TRAF3: variants seen among roughly 807,000 people sequenced by gnomAD.
TRAF3 encodes TNF receptor associated factor 3, also known as TNF receptor-associated factor 3.
A neutral mutation model predicts 62.3 loss-of-function variants in TRAF3; 13 were observed. The ratio of observed to expected loss-of-function variants is 0.21; its 90% CI spans 0.14 to 0.33. TRAF3 has a LOEUF of 0.33. Ranked by LOEUF, TRAF3 falls within the 10% of genes least tolerant of loss-of-function variation. The pLI is 1.00. For synonymous variants in TRAF3, 269 were observed against 283.4 expected, an observed-to-expected ratio of 0.95 and a Z score of 0.51; for missense variants, 440 against 741.8, an observed-to-expected ratio of 0.59 and a Z score of 4.73.
At chr14:102,872,083 A>C in intron 4 of TRAF3, 115 bp downstream of exon 4, 1 of 1,098,354 alleles carries the variant, frequency 9.1e-7, no homozygotes. Flanking sequence ...TTGGCAGCTG[A>C]TGCGGCAGGC....
rs749532785 is a variant in TRAF3, at chr14:102,871,978, G to A, written c.297+10G>A. ...CATCGTTAAAGATAAGGTATTCTGG[G>A]GTTTTTTTTAATCATTTTGTCACAT... On this transcript the variant is annotated intron_variant, in intron 4 of 11. Transcript: ENST00000392745. 27 of 1,613,812 alleles carry A rather than the reference G, an allele frequency of 1.7e-5. 1 individual carries two copies. In the South Asian group the frequency reaches 2.7e-4, roughly 16 times the overall value.
chr14:102,855,199 C>G (rs941627526), intron 2 of TRAF3, among the ~76,000 whole-genome samples: 1 of 152,140 alleles, frequency 6.6e-6, no homozygotes, highest in Non-Finnish European at 1.5e-5. Context: ...TATTCACTGT[C>G]TGGATAGATT....
intron 10 of TRAF3, among the ~76,000 whole-genome samples, chr14:102,900,224 C>G (rs923692874): frequency 6.9e-6 from 1 of 145,684 alleles, no homozygotes; most frequent in African/African-American, 2.7e-5. Context: ...GCCGGTAGGC[C>G]GGACACGGTG....
intron 1 of TRAF3, among the ~76,000 whole-genome samples, chr14:102,781,740 C>T (rs999228314): frequency 6.6e-6 from 1 of 151,996 alleles, no homozygotes; most frequent in African/African-American, 2.4e-5. Context: ...GAGTCTCCTA[C>T]CTCAGCCTCC....
At chr14:102,893,112 G>A (rs1889814194) in intron 9 of TRAF3, among the ~76,000 whole-genome samples, 1 of 152,084 alleles carries the variant, frequency 6.6e-6, no homozygotes, top group South Asian at 2.1e-4. Flanking sequence ...TTTGTGGCCG[G>A]GCATGGTGGC....
chr14:102,869,719 T>C (rs890947315), intron 2 of TRAF3, among the ~76,000 whole-genome samples: 1 of 150,306 alleles, frequency 6.7e-6, no homozygotes, highest in Non-Finnish European at 1.5e-5. Flanking sequence ...GGCAGGAGAA[T>C]GGCATGAACC....
Position 102,906,032 on chromosome 14 carries a change from G to T in TRAF3, c.*248G>T. 1 of 423,348 alleles carries T rather than the reference G, an allele frequency of 2.4e-6. No individual in the cohort carries two copies. Among genetic ancestry groups the T allele is most frequent in the Non-Finnish European group, 4.2e-6 (1 of 238,432 alleles). The allele number at this position is 423,348 out of a possible 1,614,324, so 26.2% of individuals were successfully genotyped here. A position where few individuals can be genotyped will look rare whatever the true frequency, so the allele number is the denominator to read the frequency against. ...AAGATAAATATTGCTGTCAGAGAAG[G>T]TTTTCATTTTCATTTTTAAAGATCT... On this transcript the variant is annotated 3_prime_UTR_variant, in exon 12 of 12. Coordinates refer to ENST00000392745, the MANE Select transcript of TRAF3 (RefSeq NM_145725.3).
At chr14:102,898,872 G>A (rs1360995298) in intron 10 of TRAF3, among the ~76,000 whole-genome samples, 2 of 152,244 alleles carry the variant, frequency 1.3e-5, no homozygotes, top group African/African-American at 2.4e-5. Context: ...AAGTCAGAAA[G>A]AAAGGGGGAA....
intron 1 of TRAF3, among the ~76,000 whole-genome samples, chr14:102,795,287 T>C (rs1352673821): frequency 6.6e-6 from 1 of 152,208 alleles, no homozygotes; most frequent in African/African-American, 2.4e-5. Context: ...TTTTAAATAA[T>C]GAAACAGGAA....
intron 2 of TRAF3, among the ~76,000 whole-genome samples, chr14:102,841,944 A>C (rs1387963792): frequency 6.6e-6 from 1 of 152,178 alleles, no homozygotes; most frequent in Non-Finnish European, 1.5e-5. Context: ...TGAAAATAGA[A>C]TATATACAAT....
At chr14:102,806,300 G>C (rs988852904) in intron 1 of TRAF3, among the ~76,000 whole-genome samples, 4 of 152,054 alleles carry the variant, frequency 2.6e-5, no homozygotes, top group African/African-American at 9.7e-5. Context: ...ATAAGGTGAG[G>C]TACTTTCTAC....
chr14:102,874,801 T>C (rs1888554799), intron 4 of TRAF3, among the ~76,000 whole-genome samples: 1 of 152,088 alleles, frequency 6.6e-6, no homozygotes, highest in Non-Finnish European at 1.5e-5. Context: ...CAGGCGCATA[T>C]GCTGCCTTGC....
chr14:102,907,595 C>T lies in TRAF3; in HGVS notation c.*1811C>T, dbSNP rs952538750. Reference sequence around the variant, plus strand: ...CGCGCCCACAATTGGCCAGCTGGGCCGTGCACGTCAGACTGCCTGCCTCGG... The same window carrying T: ...CGCGCCCACAATTGGCCAGCTGGGCTGTGCACGTCAGACTGCCTGCCTCGG... On this transcript the variant is annotated 3_prime_UTR_variant, in exon 12 of 12. Transcript: ENST00000392745. The T allele has an allele frequency of 1.2e-4, 18 of 152,392 alleles. No individual in the cohort carries two copies. Among genetic ancestry groups the T allele is most frequent in the East Asian group, 9.6e-4 (5 of 5,188 alleles). 9.4% of individuals were successfully genotyped at this position (152,392 alleles called of 1,614,324 possible). A position where few individuals can be genotyped will look rare whatever the true frequency, so the allele number is the denominator to read the frequency against.
At chr14:102,800,667 G>T (rs1264838737) in intron 1 of TRAF3, among the ~76,000 whole-genome samples, 2 of 146,794 alleles carry the variant, frequency 1.4e-5, no homozygotes, top group Non-Finnish European at 3.0e-5. Flanking sequence ...ACCACAGATG[G>T]TTAATTAACA....
intron 2 of TRAF3, among the ~76,000 whole-genome samples, chr14:102,840,797 C>G (rs1211960459): frequency 6.6e-6 from 1 of 152,278 alleles, no homozygotes; most frequent in Admixed American, 6.5e-5. Context: ...GAAAACCAGA[C>G]AAAATATATG....
intron 2 of TRAF3, among the ~76,000 whole-genome samples, chr14:102,849,101 C>G (rs1234684025): frequency 6.6e-6 from 1 of 152,222 alleles, no homozygotes; most frequent in Non-Finnish European, 1.5e-5. Flanking sequence ...CCTGGCAGAT[C>G]TAGTGTTTTT....
At chr14:102,808,811 TGATA>T (rs1898931392) in intron 1 of TRAF3, among the ~76,000 whole-genome samples, 1 of 151,942 alleles carries the variant, frequency 6.6e-6, no homozygotes, top group South Asian at 2.1e-4. Context: ...TTGAGCATGG[TGATA>T]GATTGACTTT....
intron 1 of TRAF3, among the ~76,000 whole-genome samples, chr14:102,797,996 C>T (rs1371180172): frequency 6.6e-6 from 1 of 152,142 alleles, no homozygotes; most frequent in East Asian, 1.9e-4. Context: ...CTCGGCCTCT[C>T]AGAGTGCTGG....
intron 1 of TRAF3, among the ~76,000 whole-genome samples, chr14:102,827,276 C>T (rs1350550545): frequency 6.6e-6 from 1 of 152,238 alleles, no homozygotes; most frequent in Non-Finnish European, 1.5e-5. Context: ...ACTCTTCCTC[C>T]TAGAGCACCG....
Sources: allele counts gnomAD v4.1 joint callset (sites outside exome capture counted in the v4.1 genomes callset), GRCh38; gene constraint gnomAD v4.1.1; transcripts MANE v1.5; gene names NCBI Gene and HGNC (gene_info 2026-07-23, HGNC 2026-07-21).